Variants in PLEKHJ1 observed in about 807,000 individuals in gnomAD.
PLEKHJ1 encodes pleckstrin homology domain-containing family J member 1.
Under a neutral mutation model 21.7 loss-of-function variants are expected in PLEKHJ1, and 20 were observed. The observed-to-expected ratio is 0.92, with a 90% CI of 0.65 to 1.34. The LOEUF is 1.34. Among genes scored for constraint, PLEKHJ1 ranks in the 40% most tolerant of loss-of-function variants. The pLI is 0.00. For missense variants in PLEKHJ1, 241 were observed against 202.0 expected (o/e 1.19, Z -1.17); for synonymous variants, 113 against 80.6 (o/e 1.40, Z -2.15).
downstream of PLEKHJ1, chr19:2,232,113 CTGAG>C: frequency 4.6e-6 from 1 of 216,930 alleles, no homozygotes; most frequent in African/African-American, 2.3e-5. Flanking sequence ...GGCACCTGGC[CTGAG>C]TTTCCGTGGG....
chr19:2,231,354 GAC>G, downstream of PLEKHJ1: 2 of 210,160 alleles, frequency 9.5e-6, no homozygotes, highest in Non-Finnish European at 1.9e-5. Flanking sequence ...GGGCAGGATG[GAC>G]ACACGTCACA....
Position 2,236,203 on chromosome 19 carries a change from C to A in PLEKHJ1, c.46G>T (p.Ala16Ser). 2 of 1,477,202 alleles carry A rather than the reference C, an allele frequency of 1.4e-6. No individual in the cohort carries two copies. Among genetic ancestry groups the A allele is most frequent in the Non-Finnish European group, 1.8e-6 (2 of 1,117,320 alleles). The allele number at this position is 1,477,202 out of a possible 1,614,324, so 91.5% of individuals were successfully genotyped here. A position where few individuals can be genotyped will look rare whatever the true frequency, so the allele number is the denominator to read the frequency against. The change falls in exon 1 of 6, where the codon GCC (alanine) becomes TCC (serine). Residue 16 changes from alanine to serine, a missense_variant. Coordinates refer to ENST00000326631, the MANE Select transcript of PLEKHJ1 (RefSeq NM_018049.3). Reference protein sequence around the residue: ...KELQALSRQPAEMAAELGMRG... With the variant: ...KELQALSRQPSEMAAELGMRG... Reference sequence around the variant, plus strand: ...ATGCCCAGCTCGGCCGCCATCTCGGCCGGCTGCCGGGACAGAGCCTGCAGC... The same window carrying A: ...ATGCCCAGCTCGGCCGCCATCTCGGACGGCTGCCGGGACAGAGCCTGCAGC...
At chr19:2,232,390 A>G (rs1431113149), downstream of PLEKHJ1, 2 of 193,368 alleles carry the variant, frequency 1.0e-5, no homozygotes, top group Non-Finnish European at 2.1e-5. Flanking sequence ...TCCCAACACA[A>G]CACGCTGCTG....
intron 3 of PLEKHJ1, chr19:2,235,401 C>G (rs2024766975): frequency 4.0e-6 from 1 of 250,632 alleles, no homozygotes. Context: ...CTACCCCCAC[C>G]TGGGATTTCC....
chr19:2,235,461 G>A (rs1209890250), intron 3 of PLEKHJ1: 4 of 451,502 alleles, frequency 8.9e-6, no homozygotes, highest in Non-Finnish European at 1.2e-5. Flanking sequence ...TTGGCAGCTG[G>A]GGAAACGCTT....
chr19:2,234,303 G>T, intron 3 of PLEKHJ1, 63 bp from the exon 4 acceptor site: 1 of 1,277,590 alleles, frequency 7.8e-7, no homozygotes. Context: ...TCTTGCCATT[G>T]CCCATAAACT....
chr19:2,230,455 T>C, downstream of PLEKHJ1: 1 of 399,464 alleles, frequency 2.5e-6, no homozygotes, highest in Non-Finnish European at 4.4e-6. Flanking sequence ...TGAAGGGGCC[T>C]GCGCGGTGAC....
chr19:2,234,106 C>T (rs1238230073), intron 4 of PLEKHJ1, 44 bp downstream of exon 4: 1 of 1,612,658 alleles, frequency 6.2e-7, no homozygotes, highest in South Asian at 1.1e-5. Flanking sequence ...CTCTGCATGG[C>T]TGCTGTGCCC....
rs1026735617 is a variant in PLEKHJ1 at position 2,235,742 on chromosome 19, GCTTCC to G, written c.229+15_229+19del. The G allele has an allele frequency of 9.8e-5, 151 of 1,543,110 alleles. No homozygotes were observed. Among genetic ancestry groups the G allele is most frequent in the Non-Finnish European group, 1.2e-4 (141 of 1,143,246 alleles). ...CCCCGGGCTGCGGGAAGCGCCGCTG[GCTTCC>G]CTAGCCCCACTCACTGATGGAGAAG... On this transcript the variant is annotated intron_variant, in intron 3 of 5. Coordinates refer to ENST00000326631, the MANE Select transcript of PLEKHJ1 (RefSeq NM_018049.3).
chr19:2,234,354 ACC>A, intron 3 of PLEKHJ1, 114 bp from the exon 4 acceptor site: 1 of 707,244 alleles, frequency 1.4e-6, no homozygotes. Context: ...TCATGTCCTG[ACC>A]CCCCAGAACC....
At position 2,234,229 on chromosome 19, in the gene PLEKHJ1, C is replaced by A. The variant is rs753546271; in HGVS notation, c.241G>T (p.Asp81Tyr). 6.2e-7 allele frequency: 1 copy of A among 1,612,526 alleles called. No individual in the cohort carries two copies. The highest frequency in any genetic ancestry group is 1.1e-5 in the South Asian group (1 of 91,050). Residue 81 changes from aspartate (D) to tyrosine (Y), a missense_variant, in exon 4 of 6, where the codon GAC (aspartate) becomes TAC (tyrosine). Transcript: ENST00000326631. ...PGTFSISFIEDPERKYHFECS... is the reference protein window; with the variant it reads ...PGTFSISFIEYPERKYHFECS... Reference sequence around the variant, plus strand: ...TCAAAGTGATACTTCCTCTCAGGGTCCTCAATGAAGCCTGGGGATGGAACA... The same window carrying A: ...TCAAAGTGATACTTCCTCTCAGGGTACTCAATGAAGCCTGGGGATGGAACA...
rs528573482 is a variant in PLEKHJ1, at chr19:2,233,675, G to C, written c.*165C>G. Reference sequence around the variant, plus strand: ...GATCACTTGAGTCCAGAAGGTCAAGGTCACAGTGAGCTGTGGCACCACTGC... The same window carrying C: ...GATCACTTGAGTCCAGAAGGTCAAGCTCACAGTGAGCTGTGGCACCACTGC... On this transcript the variant is annotated 3_prime_UTR_variant, in exon 6 of 6. Transcript: ENST00000326631. 3 of 629,080 alleles carry C rather than the reference G, an allele frequency of 4.8e-6. No homozygotes were observed. The highest frequency in any genetic ancestry group is 8.3e-6 in the Non-Finnish European group (3 of 362,584). The allele number at this position is 629,080 out of a possible 1,614,324, so 39.0% of individuals were successfully genotyped here. A position where few individuals can be genotyped will look rare whatever the true frequency, so the allele number is the denominator to read the frequency against.
rs2024686328 is a variant in PLEKHJ1, at chr19:2,233,665, G to A, written c.*175C>T. The stretch of plus-strand genomic sequence containing the variant: ...GAGGCAGGAGGATCACTTGAGTCCA[G>A]AAGGTCAAGGTCACAGTGAGCTGTG... On this transcript the variant is annotated 3_prime_UTR_variant, in exon 6 of 6. Coordinates refer to ENST00000326631, the MANE Select transcript of PLEKHJ1 (RefSeq NM_018049.3). The A allele has an allele frequency of 1.6e-6, 1 of 607,596 alleles. No individual in the cohort carries two copies. Among genetic ancestry groups the A allele is most frequent in the African/African-American group, 1.8e-5 (1 of 54,140 alleles). 37.6% of individuals were successfully genotyped at this position (607,596 alleles called of 1,614,324 possible).
Position 2,236,274 on chromosome 19 carries a change from G to A in PLEKHJ1, c.-26C>T, listed in dbSNP as rs1461613832. ...GGCTCCGCGGGGAACGGGAACCCGG[G>A]CCGCGCCCTCCCGGCCGCCGTCCCC... On this transcript the variant is annotated 5_prime_UTR_variant, in exon 1 of 6. Transcript: ENST00000326631. The A allele has an allele frequency of 2.3e-5, 30 of 1,326,946 alleles. No individual in the cohort carries two copies. The highest frequency in any genetic ancestry group is 2.7e-5 in the Non-Finnish European group (28 of 1,031,748). 82.2% of individuals were successfully genotyped at this position (1,326,946 alleles called of 1,614,324 possible).
chr19:2,230,985 C>T (rs139131261), downstream of PLEKHJ1: 1,483 of 246,300 alleles, frequency 6.0e-3, 30 homozygotes, highest in African/African-American at 0.031. Flanking sequence ...GCCTCTCTGG[C>T]CCTAGGCCCC....
chr19:2,230,188 GC>G, downstream of PLEKHJ1: 1 of 468,084 alleles, frequency 2.1e-6, no homozygotes, highest in Non-Finnish European at 3.7e-6. Context: ...GCCCGCGCCT[GC>G]CTCCACCCGC....
downstream of PLEKHJ1, among the ~76,000 whole-genome samples, chr19:2,232,878 T>C (rs1441330208): frequency 1.3e-5 from 2 of 152,314 alleles, no homozygotes; most frequent in South Asian, 2.1e-4. Context: ...TCACATCAGA[T>C]GGACCAAAGC....
At chr19:2,232,285 T>G (rs540929205), downstream of PLEKHJ1, 38 of 201,804 alleles carry the variant, frequency 1.9e-4, no homozygotes, top group Non-Finnish European at 3.2e-4. Flanking sequence ...ACTTCCCCCT[T>G]AATTTATCTG....
downstream of PLEKHJ1, chr19:2,232,651 AGT>A (rs768933971): frequency 4.0e-4 from 73 of 181,878 alleles, no homozygotes; most frequent in Non-Finnish European, 7.2e-4. Flanking sequence ...GGCCCCGGCT[AGT>A]GTGTCATCGC....
Sources: allele counts gnomAD v4.1 joint callset (sites outside exome capture counted in the v4.1 genomes callset), GRCh38; gene constraint gnomAD v4.1.1; transcripts MANE v1.5; gene names NCBI Gene and HGNC (gene_info 2026-07-23, HGNC 2026-07-21).